The following EYS variants were observed in gnomAD, a reference collection of about 807,000 sequenced individuals.
EYS encodes the protein protein eyes shut homolog.
EYS carries 250 observed loss-of-function variants against 282.1 expected under a neutral mutation model. That is an observed-to-expected ratio of 0.89 (90% CI 0.80 to 0.98). The LOEUF (loss-of-function observed/expected upper bound fraction) is 0.98. EYS is among the 50% of genes least tolerant of loss of function. EYS has a pLI of 0.00. For missense variants in EYS, 4,016 were observed against 3,709.0 expected (o/e 1.08, Z -2.15); for synonymous variants, 1,355 against 1,282.9 (o/e 1.06, Z -1.20).
At chr6:63,746,092 A>G (rs1466628114) in intron 41 of EYS, among the ~76,000 whole-genome samples, 4 of 152,188 alleles carry the variant, frequency 2.6e-5, no homozygotes, top group African/African-American at 9.7e-5. Flanking sequence ...ATTTTGAGAT[A>G]CTTTCCATCA....
At chr6:65,596,096 G>GT (rs1484554682) in intron 2 of EYS, among the ~76,000 whole-genome samples, 1 of 151,964 alleles carries the variant, frequency 6.6e-6, no homozygotes, top group Non-Finnish European at 1.5e-5. Flanking sequence ...ATGAGTGAGT[G>GT]TGAAAGAGCG....
At position 63,825,421 on chromosome 6, in the gene EYS, TG is replaced by T. The variant is rs557157746; in HGVS notation, c.7229-19050del. Among the ~76,000 whole-genome samples, 21 of 152,310 alleles carry T rather than the reference TG, an allele frequency of 1.4e-4. No individual in the cohort carries two copies. In the South Asian group the frequency reaches 4.3e-3, roughly 32 times the overall value. On this transcript the variant is annotated intron_variant, in intron 36 of 42. Coordinates refer to ENST00000503581, the MANE Select transcript of EYS (RefSeq NM_001142800.2). ...TAGCTGTTCTGGAAAATGCCACCTCTGGGCAAGAGGCCAAGCAGCACAAAAA... is the reference window on the plus strand; with the variant it reads ...TAGCTGTTCTGGAAAATGCCACCTCTGGCAAGAGGCCAAGCAGCACAAAAA...
chr6:64,626,286 C>T, intron 22 of EYS, 41 bp from the exon 23 acceptor site: 1 of 1,500,220 alleles, frequency 6.7e-7, no homozygotes, highest in Non-Finnish European at 8.8e-7. Context: ...ATATATTATA[C>T]ACATGAGCAC....
chr6:63,721,263 T>A lies in EYS; in HGVS notation c.8768A>T (p.His2923Leu). 1 of 1,551,938 alleles carries A rather than the reference T, an allele frequency of 6.4e-7. No homozygotes were observed. The highest frequency in any genetic ancestry group is 8.7e-7 in the Non-Finnish European group (1 of 1,146,978). Residue 2923 changes from histidine (H) to leucine (L), a missense_variant, in exon 43 of 43, where the codon CAC becomes CTC. Transcript: ENST00000503581. ...SVSCLNNLCL[H>L]QSLCIPDQSF... ...TTGGTCAGGTATACATAAAGATTGGTGGAGGCAAAGATTATTCAAACAGGA... is the reference window on the plus strand; with the variant it reads ...TTGGTCAGGTATACATAAAGATTGGAGGAGGCAAAGATTATTCAAACAGGA...
intron 12 of EYS, among the ~76,000 whole-genome samples, chr6:65,142,664 A>C (rs903438351): frequency 6.6e-6 from 1 of 151,952 alleles, no homozygotes. Flanking sequence ...AATTTAAAAA[A>C]AAAAAACTAA....
chr6:65,286,489 T>C (rs926521887), intron 12 of EYS, among the ~76,000 whole-genome samples: 1 of 151,754 alleles, frequency 6.6e-6, no homozygotes, highest in South Asian at 2.1e-4. Flanking sequence ...CTACATGTGT[T>C]GAATTAAAAA....
chr6:64,883,836 T>C lies in EYS; in HGVS notation c.2992+2861A>G, dbSNP rs1280484439. Among the ~76,000 whole-genome samples, 3 of 85,162 alleles carry C rather than the reference T, an allele frequency of 3.5e-5. No homozygotes were observed. In the Admixed American group the frequency reaches 4.2e-4, roughly 12 times the overall value. 55.9% of individuals were successfully genotyped at this position (85,162 alleles called of 152,430 possible). Reference sequence around the variant, plus strand: ...ATTCAGTCAACTCACTACCACTACGTGTGTAAATTTGGACTCTGTGATAGT... The same window carrying C: ...ATTCAGTCAACTCACTACCACTACGCGTGTAAATTTGGACTCTGTGATAGT... On this transcript the variant is annotated intron_variant, in intron 19 of 42. Coordinates refer to ENST00000503581, the MANE Select transcript of EYS (RefSeq NM_001142800.2).
chr6:63,834,017 C>A (rs12201158), intron 36 of EYS, among the ~76,000 whole-genome samples: 54,825 of 152,032 alleles, frequency 0.36, 10,366 homozygotes, highest in South Asian at 0.47. Flanking sequence ...ATGTAGAAAG[C>A]TGAAACTGGA....
chr6:64,234,719 T>C (rs1481191882), intron 30 of EYS, among the ~76,000 whole-genome samples: 1 of 152,156 alleles, frequency 6.6e-6, no homozygotes, highest in Non-Finnish European at 1.5e-5. Context: ...CTCAGTCTAG[T>C]CTTAGTAAAC....
intron 2 of EYS, among the ~76,000 whole-genome samples, chr6:65,574,778 A>G (rs971928215): frequency 3.3e-5 from 5 of 152,270 alleles, no homozygotes; most frequent in East Asian, 1.9e-4. Flanking sequence ...CCTAACAGAC[A>G]TATACAGAAC....
At chr6:64,762,842 T>C (rs1478223664) in intron 22 of EYS, among the ~76,000 whole-genome samples, 1 of 152,230 alleles carries the variant, frequency 6.6e-6, no homozygotes, top group Non-Finnish European at 1.5e-5. Flanking sequence ...GCATTTATAG[T>C]GTATTGATTT....
intron 41 of EYS, among the ~76,000 whole-genome samples, chr6:63,742,195 C>T (rs1769092643): frequency 6.6e-6 from 1 of 152,156 alleles, no homozygotes; most frequent in Admixed American, 6.5e-5. Context: ...GCCTCCAGCA[C>T]ATTTCCTCTT....
intron 12 of EYS, among the ~76,000 whole-genome samples, chr6:65,189,954 T>C (rs912545439): frequency 2.0e-5 from 3 of 151,782 alleles, no homozygotes; most frequent in African/African-American, 7.2e-5. Context: ...AGTCTGTGCT[T>C]CTTCCGTTCA....
intron 36 of EYS, among the ~76,000 whole-genome samples, chr6:63,852,783 C>A (rs1227781395): frequency 6.6e-6 from 1 of 152,134 alleles, no homozygotes; most frequent in Non-Finnish European, 1.5e-5. Context: ...GCTTATCTAC[C>A]ACGATCAAGT....
At chr6:65,176,204 C>T (rs1413550750) in intron 12 of EYS, among the ~76,000 whole-genome samples, 1 of 151,512 alleles carries the variant, frequency 6.6e-6, no homozygotes, top group Admixed American at 6.6e-5. Flanking sequence ...TCTTACATAA[C>T]TAAAACTTTT....
chr6:64,265,253 A>G (rs73766036), intron 30 of EYS, among the ~76,000 whole-genome samples: 5,602 of 152,224 alleles, frequency 0.037, 329 homozygotes, highest in African/African-American at 0.13. Context: ...ATTTCTTTCC[A>G]TTGTATTGAT....
intron 2 of EYS, among the ~76,000 whole-genome samples, chr6:65,620,717 G>C (rs921012456): frequency 2.3e-4 from 34 of 151,058 alleles, no homozygotes; most frequent in East Asian, 1.2e-3. Context: ...TCTACACACT[G>C]CTTTGAATGC....
intron 13 of EYS, among the ~76,000 whole-genome samples, chr6:65,019,270 A>T (rs1772165952): frequency 6.6e-6 from 1 of 152,184 alleles, no homozygotes; most frequent in Non-Finnish European, 1.5e-5. Context: ...TCACGTTTCT[A>T]AAAATATTTA....
intron 22 of EYS, among the ~76,000 whole-genome samples, chr6:64,789,902 T>TATATAA (rs548024368): frequency 2.0e-5 from 3 of 146,998 alleles, no homozygotes; most frequent in African/African-American, 7.3e-5. Flanking sequence ...TATATATATA[T>TATATAA]AAATGTCAAA....
Sources: allele counts gnomAD v4.1 joint callset (sites outside exome capture counted in the v4.1 genomes callset), GRCh38; gene constraint gnomAD v4.1.1; transcripts MANE v1.5; gene names NCBI Gene and HGNC (gene_info 2026-07-23, HGNC 2026-07-21).